INVS: variants seen among roughly 807,000 people sequenced by gnomAD.
INVS encodes inversion of embryo turning homolog.
Under a neutral mutation model 108.8 loss-of-function variants are expected in INVS, and 86 were observed. The observed-to-expected ratio is 0.79, with a 90% CI of 0.66 to 0.95. The LOEUF (loss-of-function observed/expected upper bound fraction) is 0.95, where lower values mean the gene tolerates loss of function less well. Ranked by LOEUF, INVS falls within the 40% of genes least tolerant of loss-of-function variation. The probability of loss-of-function intolerance (pLI) is 0.00; values close to 1 mark genes in which losing one functional copy is unlikely to be tolerated. For missense variants in INVS, 1,169 were observed against 1,297.4 expected (o/e 0.90, Z 1.52); for synonymous variants, 455 against 473.5 (o/e 0.96, Z 0.51).
rs527838953 is a variant in INVS at position 100,123,632 on chromosome 9, A to G, written c.107-2751A>G. On this transcript the variant is annotated intron_variant, in intron 2 of 16. Coordinates refer to ENST00000262457, the MANE Select transcript of INVS (RefSeq NM_014425.5). The stretch of plus-strand genomic sequence containing the variant: ...CGTTTCTCTTGGGTACATACTTGGG[A>G]TTGGAATTGCTGGGTCAAATGGTTA... Among the ~76,000 whole-genome samples, 18 of 152,248 alleles carry G rather than the reference A, an allele frequency of 1.2e-4. No individual in the cohort carries two copies. In the South Asian group the frequency reaches 3.5e-3, roughly 30 times the overall value.
At chr9:100,114,763 G>T (rs1207483516) in intron 2 of INVS, among the ~76,000 whole-genome samples, 1 of 152,110 alleles carries the variant, frequency 6.6e-6, no homozygotes, top group Non-Finnish European at 1.5e-5. Context: ...TTGTTGAGTG[G>T]ATCAGTAGTT....
intron 3 of INVS, among the ~76,000 whole-genome samples, chr9:100,168,634 G>A (rs1829441139): frequency 6.6e-6 from 1 of 152,156 alleles, no homozygotes; most frequent in Non-Finnish European, 1.5e-5. Flanking sequence ...GGGTAACCCT[G>A]TCAGCCTTGT....
chr9:100,262,431 A>G (rs951304149), intron 10 of INVS, among the ~76,000 whole-genome samples: 10 of 151,874 alleles, frequency 6.6e-5, no homozygotes, highest in Non-Finnish European at 4.4e-5. Context: ...TTTTTCTTTC[A>G]GCTTGGTAAG....
chr9:100,145,381 T>G (rs1828568358), intron 3 of INVS, among the ~76,000 whole-genome samples: 1 of 149,854 alleles, frequency 6.7e-6, no homozygotes, highest in Non-Finnish European at 1.5e-5. Flanking sequence ...AAATAAGGGA[T>G]GGGGTGCAGA....
intron 2 of INVS, among the ~76,000 whole-genome samples, chr9:100,110,631 AAT>A (rs974486823): frequency 9.2e-5 from 14 of 152,324 alleles, no homozygotes; most frequent in African/African-American, 2.9e-4. Flanking sequence ...TCAGAACAAA[AAT>A]ATATGTATAT....
At chr9:100,149,464 A>G (rs1378922110) in intron 3 of INVS, among the ~76,000 whole-genome samples, 14 of 152,216 alleles carry the variant, frequency 9.2e-5, no homozygotes, top group Admixed American at 8.5e-4. Flanking sequence ...AGAAAGTCCT[A>G]AAGAGTCTTG....
At chr9:100,280,016 G>A (rs930932067) in intron 12 of INVS, among the ~76,000 whole-genome samples, 2 of 152,112 alleles carry the variant, frequency 1.3e-5, no homozygotes, top group African/African-American at 4.8e-5. Context: ...ACCATCGTAC[G>A]TTCAAGTCAT....
chr9:100,251,232 C>A (rs1564176042), intron 8 of INVS, among the ~76,000 whole-genome samples: 1 of 151,828 alleles, frequency 6.6e-6, no homozygotes, highest in Non-Finnish European at 1.5e-5. Flanking sequence ...CTATTGTATT[C>A]TTTGCTAAAC....
chr9:100,222,474 A>G (rs1000860725), intron 3 of INVS, among the ~76,000 whole-genome samples: 4 of 152,214 alleles, frequency 2.6e-5, no homozygotes, highest in Non-Finnish European at 5.9e-5. Context: ...TTGTACTGTT[A>G]TCTGCTTCAT....
intron 3 of INVS, among the ~76,000 whole-genome samples, chr9:100,204,057 T>TA (rs1053993908): frequency 1.1e-4 from 17 of 152,154 alleles, no homozygotes; most frequent in African/African-American, 3.9e-4. Flanking sequence ...CTTTGGTAAA[T>TA]AAAATACTAG....
chr9:100,144,612 A>C (rs1828542610), intron 3 of INVS, among the ~76,000 whole-genome samples: 1 of 152,126 alleles, frequency 6.6e-6, no homozygotes, highest in South Asian at 2.1e-4. Context: ...TCCTAAGAGG[A>C]AATTGCTGGG....
chr9:100,171,654 A>G (rs10819730), intron 3 of INVS, among the ~76,000 whole-genome samples: 29,398 of 152,054 alleles, frequency 0.19, 4,533 homozygotes, highest in African/African-American at 0.43. Flanking sequence ...CTTGAATATT[A>G]TTTAAATTGG....
chr9:100,269,665 G>A (rs1213636910), intron 11 of INVS, among the ~76,000 whole-genome samples: 1 of 152,096 alleles, frequency 6.6e-6, no homozygotes, highest in Non-Finnish European at 1.5e-5. Context: ...GATTTTCTAT[G>A]TCTAGTCATG....
At chr9:100,200,631 C>A (rs1452354975) in intron 3 of INVS, among the ~76,000 whole-genome samples, 1 of 152,150 alleles carries the variant, frequency 6.6e-6, no homozygotes, top group Non-Finnish European at 1.5e-5. Context: ...AAGTGGAACT[C>A]AAACTCCAAA....
rs902641698 is a variant in INVS, at chr9:100,299,599, A to G, written c.3092-969A>G. 2.4e-4 allele frequency among the ~76,000 whole-genome samples: 32 copies of G among 135,844 alleles called. 1 individual carries two copies. The highest frequency in any genetic ancestry group is 9.2e-4 in the African/African-American group (31 of 33,862). The allele number at this position is 135,844 out of a possible 152,430, so 89.1% of individuals were successfully genotyped here. ...ACACACACACACACACAGCCTTGCA[A>G]ACCACCCACCAAGAATCTCAGCAGA... On this transcript the variant is annotated intron_variant, in intron 16 of 16. Transcript: ENST00000262457.
intron 10 of INVS, among the ~76,000 whole-genome samples, chr9:100,257,603 G>A (rs1446050818): frequency 6.6e-6 from 1 of 152,140 alleles, no homozygotes; most frequent in Non-Finnish European, 1.5e-5. Flanking sequence ...GGCAGGCCTG[G>A]TGCTAACAAA....
intron 3 of INVS, among the ~76,000 whole-genome samples, chr9:100,172,834 A>G (rs929443030): frequency 3.9e-5 from 6 of 152,220 alleles, no homozygotes; most frequent in African/African-American, 9.6e-5. Flanking sequence ...TTGAGTGGCT[A>G]TTCGACCCAG....
In INVS at chr9:100,246,715, G is replaced by T; in HGVS notation, c.1006G>T (p.Asp336Tyr). The change falls in exon 8 of 17, where the codon GAT becomes TAT. Residue 336 changes from aspartate (D) to tyrosine (Y), a missense_variant. Transcript: ENST00000262457. ...FMWAAGKGSD[D>Y]VLRTMLSLKS... ...GTGGGCAGCTGGCAAAGGCAGTGAT[G>T]ATGTCCTTAGAACTATGCTGAGCTT... is the stretch of plus-strand genomic sequence containing the variant. The T allele has an allele frequency of 6.2e-7, 1 of 1,613,932 alleles. No homozygotes were observed. Among genetic ancestry groups the T allele is most frequent in the Non-Finnish European group, 8.5e-7 (1 of 1,179,826 alleles).
chr9:100,108,023 C>A lies in INVS; in HGVS notation c.106+3396C>A, dbSNP rs543820977. Among the ~76,000 whole-genome samples, 8 of 151,774 alleles carry A rather than the reference C, an allele frequency of 5.3e-5. No homozygotes were observed. In the East Asian group the frequency reaches 1.5e-3, roughly 29 times the overall value. ...AATTGAATTGAGGAGCAGATTGGGA[C>A]TAAATTCCATGAGAAAAAAAAATTT... On this transcript the variant is annotated intron_variant, in intron 2 of 16. Coordinates refer to ENST00000262457, the MANE Select transcript of INVS (RefSeq NM_014425.5).
Sources: gnomAD v4.1 joint callset for allele counts (sites outside exome capture counted in the v4.1 genomes callset) on GRCh38, gnomAD v4.1.1 for gene constraint, MANE v1.5 for transcripts, NCBI Gene and HGNC (gene_info 2026-07-23, HGNC 2026-07-21) for gene names.